The following CDH13 variants were observed in gnomAD, a reference collection of about 807,000 sequenced individuals.
CDH13 encodes the protein cadherin-13.
CDH13 carries 24 observed loss-of-function variants against 63.8 expected under a neutral mutation model. The ratio of observed to expected loss-of-function variants is 0.38; its 90% CI spans 0.27 to 0.53. CDH13 has a LOEUF of 0.53. Ranked by LOEUF, CDH13 falls within the 20% of genes least tolerant of loss-of-function variation. The pLI is 0.85. For synonymous variants in CDH13, 503 were observed against 355.3 expected (o/e 1.42, Z -4.67); for missense variants, 1,049 against 903.1 (o/e 1.16, Z -2.07).
chr16:83,359,427 C>A (rs1344758502), intron 6 of CDH13, among the ~76,000 whole-genome samples: 1 of 152,152 alleles, frequency 6.6e-6, no homozygotes, highest in Non-Finnish European at 1.5e-5. Flanking sequence ...GCAATGGCTT[C>A]TTTTCAGTGG....
chr16:82,674,053 CTGT>C (rs1476496045), intron 1 of CDH13, among the ~76,000 whole-genome samples: 2 of 152,122 alleles, frequency 1.3e-5, no homozygotes, highest in African/African-American at 2.4e-5. Context: ...TATGTTGGTC[CTGT>C]TGTTTGTGTT....
intron 7 of CDH13, among the ~76,000 whole-genome samples, chr16:83,555,168 A>G (rs1396353376): frequency 1.3e-5 from 2 of 152,012 alleles, no homozygotes; most frequent in Non-Finnish European, 2.9e-5. Context: ...AAGAGGGGAG[A>G]TTTTTCCATG....
intron 5 of CDH13, among the ~76,000 whole-genome samples, chr16:83,309,823 T>TA (rs2089961894): frequency 6.6e-6 from 1 of 151,834 alleles, no homozygotes; most frequent in Non-Finnish European, 1.5e-5. Flanking sequence ...TTTTTTTTTT[T>TA]AACTTTGTCT....
intron 5 of CDH13, among the ~76,000 whole-genome samples, chr16:83,236,244 C>CACAG (rs1426743862): frequency 6.6e-6 from 1 of 151,602 alleles, no homozygotes. Context: ...CATGCACACA[C>CACAG]ACACACACAC....
At chr16:83,619,145 C>A (rs1316604317) in intron 8 of CDH13, among the ~76,000 whole-genome samples, 1 of 152,220 alleles carries the variant, frequency 6.6e-6, no homozygotes, top group East Asian at 1.9e-4. Context: ...TTCATTCATT[C>A]ATCCACCTGC....
chr16:83,307,111 C>G (rs1382655716), intron 5 of CDH13, among the ~76,000 whole-genome samples: 1 of 152,162 alleles, frequency 6.6e-6, no homozygotes, highest in East Asian at 1.9e-4. Context: ...CTTGTGGTAA[C>G]AACACAGGGT....
chr16:83,502,676 A>G (rs2074308834), intron 7 of CDH13, among the ~76,000 whole-genome samples: 1 of 152,218 alleles, frequency 6.6e-6, no homozygotes, highest in Non-Finnish European at 1.5e-5. Context: ...GGGGCTTGAA[A>G]GAGATGACAG....
intron 4 of CDH13, among the ~76,000 whole-genome samples, chr16:83,159,750 T>C (rs2037366386): frequency 6.6e-6 from 1 of 152,186 alleles, no homozygotes; most frequent in African/African-American, 2.4e-5. Flanking sequence ...TATAAAACTG[T>C]ACCACATTGA....
intron 2 of CDH13, among the ~76,000 whole-genome samples, chr16:82,955,253 A>T (rs986801102): frequency 5.9e-5 from 9 of 152,352 alleles, no homozygotes; most frequent in African/African-American, 1.4e-4. Context: ...ATTAAGCAAG[A>T]TGCCTGCCTT....
chr16:82,988,434 G>A (rs993534650), intron 2 of CDH13, among the ~76,000 whole-genome samples: 9 of 152,050 alleles, frequency 5.9e-5, no homozygotes, highest in Non-Finnish European at 8.8e-5. Flanking sequence ...GTTGAAGAAC[G>A]TGGAAGCTTC....
intron 10 of CDH13, among the ~76,000 whole-genome samples, chr16:83,691,823 C>G (rs74032247): frequency 6.6e-6 from 1 of 152,248 alleles, no homozygotes; most frequent in African/African-American, 2.4e-5. Flanking sequence ...AGGTTGGCCG[C>G]TTTCTGCTAT....
At chr16:82,723,327 G>C (rs1029067335) in intron 1 of CDH13, among the ~76,000 whole-genome samples, 6 of 152,102 alleles carry the variant, frequency 3.9e-5, no homozygotes, top group African/African-American at 1.4e-4. Context: ...TTTCAGTTCA[G>C]CACATATTTA....
At chr16:83,321,815 C>G (rs2090233610) in intron 5 of CDH13, among the ~76,000 whole-genome samples, 1 of 152,136 alleles carries the variant, frequency 6.6e-6, no homozygotes, top group South Asian at 2.1e-4. Context: ...GGCGTGAGCT[C>G]TGCGCCGGGC....
chr16:83,698,946 A>T (rs540183961), intron 10 of CDH13, among the ~76,000 whole-genome samples: 1 of 152,364 alleles, frequency 6.6e-6, no homozygotes, highest in South Asian at 2.1e-4. Flanking sequence ...GATTTGGCCC[A>T]TGGGCCATAG....
At chr16:83,339,538 A>G (rs879899351) in intron 5 of CDH13, among the ~76,000 whole-genome samples, 9 of 152,124 alleles carry the variant, frequency 5.9e-5, no homozygotes, top group Non-Finnish European at 5.9e-5. Flanking sequence ...CAAAGTCACC[A>G]TGGTGGGCTC....
chr16:83,475,415 G>C (rs2073576336), intron 6 of CDH13, among the ~76,000 whole-genome samples: 1 of 152,182 alleles, frequency 6.6e-6, no homozygotes, highest in Non-Finnish European at 1.5e-5. Flanking sequence ...CAAGGGTCTG[G>C]ATCCCTAAGC....
chr16:82,767,432 C>A (rs2035097175), intron 1 of CDH13, among the ~76,000 whole-genome samples: 1 of 152,216 alleles, frequency 6.6e-6, no homozygotes, highest in African/African-American at 2.4e-5. Flanking sequence ...CTTGACTCAA[C>A]ATGTTGTTTT....
At chr16:83,380,283 G>T (rs1430410797) in intron 6 of CDH13, among the ~76,000 whole-genome samples, 1 of 152,112 alleles carries the variant, frequency 6.6e-6, no homozygotes, top group Non-Finnish European at 1.5e-5. Context: ...CAGATGGTGG[G>T]TGTGCTGATT....
chr16:83,171,614 TCC>T, intron 4 of CDH13: 1 of 1,459,424 alleles, frequency 6.9e-7, no homozygotes. Context: ...TATCTTCATT[TCC>T]TTGTTTGTGT....
Sources: allele counts gnomAD v4.1 joint callset (sites outside exome capture counted in the v4.1 genomes callset), GRCh38; gene constraint gnomAD v4.1.1; transcripts MANE v1.5; gene names NCBI Gene and HGNC (gene_info 2026-07-23, HGNC 2026-07-21).